COL4A2: variants seen among roughly 807,000 people sequenced by gnomAD.
The protein encoded by COL4A2 is collagen alpha-2(IV) chain.
A neutral mutation model predicts 200.2 loss-of-function variants in COL4A2; 99 were observed. That is an observed-to-expected ratio of 0.49 (90% CI 0.42 to 0.58). COL4A2 has a LOEUF of 0.58. COL4A2 is among the 20% of genes least tolerant of loss of function. The probability of loss-of-function intolerance (pLI) is 0.00; values close to 1 mark genes in which losing one functional copy is unlikely to be tolerated. For synonymous variants in COL4A2, 897 were observed against 900.6 expected (o/e 1.00, Z 0.07); for missense variants, 1,950 against 2,314.1 (o/e 0.84, Z 3.23).
chr13:110,369,882 A>G (rs1213983855), intron 4 of COL4A2, among the ~76,000 whole-genome samples: 2 of 152,178 alleles, frequency 1.3e-5, no homozygotes, highest in Non-Finnish European at 2.9e-5. Context: ...GCAGCACAGC[A>G]TAGGGAAGAA....
intron 3 of COL4A2, among the ~76,000 whole-genome samples, chr13:110,342,201 CT>C (rs1280422411): frequency 6.6e-6 from 1 of 152,210 alleles, no homozygotes; most frequent in Non-Finnish European, 1.5e-5. Context: ...AAGAATTTGA[CT>C]TATTAGAGAT....
rs149566407 is a variant in COL4A2 at position 110,335,219 on chromosome 13, G to A, written c.100-22253G>A. ...CTGCAACCGTGTCTCCAACACAGGC[G>A]ACTCCTGAGTTCTCTTTGTAATGCT... On this transcript the variant is annotated intron_variant, in intron 3 of 47. Coordinates refer to ENST00000360467, the MANE Select transcript of COL4A2 (RefSeq NM_001846.4). Among the ~76,000 whole-genome samples the A allele has an allele frequency of 7.2e-3, 1,098 of 152,214 alleles. 7 individuals are homozygous for A. The highest frequency in any genetic ancestry group is 9.9e-3 in the Non-Finnish European group (674 of 68,000).
At chr13:110,345,331 C>A (rs1308575090) in intron 3 of COL4A2, among the ~76,000 whole-genome samples, 1 of 152,184 alleles carries the variant, frequency 6.6e-6, no homozygotes, top group African/African-American at 2.4e-5. Context: ...ATTAAGCATT[C>A]CGCTGTAGTT....
chr13:110,507,942 G>A lies in COL4A2; in HGVS notation c.4602G>A (p.Ala1534=), dbSNP rs549661094. 56 of 1,613,300 alleles carry A rather than the reference G, an allele frequency of 3.5e-5. No individual in the cohort carries two copies. The highest frequency in any genetic ancestry group is 1.3e-4 in the South Asian group (12 of 91,072). Residue 1534 remains alanine, a synonymous_variant, in exon 47 of 48, where the codon GCG becomes GCA. Coordinates refer to ENST00000360467, the MANE Select transcript of COL4A2 (RefSeq NM_001846.4). ...TGACCCCTCCTTCCACAGGGCTGGC[G>A]GGCTCCTGCCTGGCGCGGTTCAGCA... is the stretch of plus-strand genomic sequence containing the variant. ...EKAHNQDLGL[A]GSCLARFSTM... is the part of the protein sequence containing the mutation.
intron 24 of COL4A2, 104 bp downstream of exon 24, chr13:110,462,488 C>G (rs551461632): frequency 2.9e-4 from 311 of 1,083,448 alleles, no homozygotes; most frequent in Non-Finnish European, 3.9e-4. Context: ...CTAAACCAAC[C>G]TGTGCATAGG....
intron 4 of COL4A2, among the ~76,000 whole-genome samples, chr13:110,388,587 C>A (rs138281616): frequency 1.3e-5 from 2 of 152,260 alleles, no homozygotes; most frequent in Middle Eastern, 3.4e-3. Context: ...GCAATACTTG[C>A]GACTTTAAAT....
At chr13:110,503,312 G>C in intron 42 of COL4A2, 30 bp downstream of exon 42, 1 of 1,593,070 alleles carries the variant, frequency 6.3e-7, no homozygotes, top group East Asian at 2.2e-5. Context: ...TGGGCCAGCA[G>C]CCCTGGCCAC....
chr13:110,453,179 A>G (rs994866914), intron 20 of COL4A2, among the ~76,000 whole-genome samples: 1 of 152,234 alleles, frequency 6.6e-6, no homozygotes, highest in African/African-American at 2.4e-5. Flanking sequence ...GCAGAACATG[A>G]CATGTTAAAA....
rs950372377 is a variant in COL4A2, at chr13:110,469,303, G to A, written c.2182G>A (p.Glu728Lys). 1 of 1,592,540 alleles carries A rather than the reference G, an allele frequency of 6.3e-7. No individual in the cohort carries two copies. The highest frequency in any genetic ancestry group is 1.1e-5 in the South Asian group (1 of 87,250). ...GGGCTTGCCAGGAGACGCAGGTCGT[G>A]AAGGGTTCCCAGGACCCCCAGGTGA... ...PRGLPGDAGR[E>K]GFPGPPGFIG... is the part of the protein sequence containing the mutation. Residue 728 changes from glutamate to lysine, a missense_variant, in exon 28 of 48, where the codon GAA (glutamate) becomes AAA (lysine). Physicochemically the swap from Glu to Lys is moderately conservative, Grantham distance 56. Around this residue, in one of 2 missense-constraint regions of COL4A2, gnomAD observed 1,385 missense variants for 1,720.5 expected, o/e 0.80. Coordinates refer to ENST00000360467, the MANE Select transcript of COL4A2 (RefSeq NM_001846.4).
rs1240135768 is a variant in COL4A2, at chr13:110,512,300, C to T, written c.*109C>T. 4 of 1,424,754 alleles carry T rather than the reference C, an allele frequency of 2.8e-6. No homozygotes were observed. The highest frequency in any genetic ancestry group is 3.7e-6 in the Non-Finnish European group (4 of 1,087,490). The allele number at this position is 1,424,754 out of a possible 1,614,324, so 88.3% of individuals were successfully genotyped here. ...TTTTCTTAAAAAAAAAAAAGTCTACCAAAGGAATTTGCATCCAGCAGCAGC... is the reference window on the plus strand; with the variant it reads ...TTTTCTTAAAAAAAAAAAAGTCTACTAAAGGAATTTGCATCCAGCAGCAGC... On this transcript the variant is annotated 3_prime_UTR_variant, in exon 48 of 48. Coordinates refer to ENST00000360467, the MANE Select transcript of COL4A2 (RefSeq NM_001846.4).
intron 3 of COL4A2, among the ~76,000 whole-genome samples, chr13:110,336,771 C>A (rs1240502211): frequency 6.6e-6 from 1 of 152,152 alleles, no homozygotes; most frequent in Non-Finnish European, 1.5e-5. Context: ...GACCCCAGGG[C>A]CTTATTCCTG....
chr13:110,416,069 G>T (rs1032056015), intron 4 of COL4A2, among the ~76,000 whole-genome samples: 1 of 152,192 alleles, frequency 6.6e-6, no homozygotes, highest in Non-Finnish European at 1.5e-5. Context: ...GTGTGATCCT[G>T]GTAGCTCAGT....
At chr13:110,423,845 C>T (rs1880353851) in intron 4 of COL4A2, among the ~76,000 whole-genome samples, 1 of 152,182 alleles carries the variant, frequency 6.6e-6, no homozygotes, top group South Asian at 2.1e-4. Flanking sequence ...TGGCTCATTT[C>T]ACTCAGCACA....
Position 110,466,100 on chromosome 13 carries a change from G to C in COL4A2, c.2038+38G>C, listed in dbSNP as rs1246958420. On this transcript the variant is annotated intron_variant, in intron 26 of 47. Coordinates refer to ENST00000360467, the MANE Select transcript of COL4A2 (RefSeq NM_001846.4). ...GTGCAGGTGGCTTTAGGACACTAGA[G>C]AACTCTCATTTGGTCTGCTGGTTAA... The C allele has an allele frequency of 2.5e-6, 4 of 1,597,464 alleles. No homozygotes were observed. The African/African-American group carries it at 4.0e-5, about 16-fold the overall frequency.
chr13:110,505,376 G>A (rs563310014), intron 45 of COL4A2, among the ~76,000 whole-genome samples: 4 of 152,226 alleles, frequency 2.6e-5, no homozygotes, highest in African/African-American at 9.6e-5. Flanking sequence ...ATTAAACATG[G>A]GTAGTACTAT....
At chr13:110,347,189 C>G (rs564981290) in intron 3 of COL4A2, among the ~76,000 whole-genome samples, 2 of 152,212 alleles carry the variant, frequency 1.3e-5, no homozygotes, top group African/African-American at 4.8e-5. Context: ...CCAGGCCCAC[C>G]CATGCTCTGA....
At chr13:110,444,531 C>G (rs534564946) in intron 16 of COL4A2, among the ~76,000 whole-genome samples, 5 of 152,324 alleles carry the variant, frequency 3.3e-5, no homozygotes, top group African/African-American at 7.2e-5. Context: ...AAGTCCGGGT[C>G]CAAACCACAG....
intron 27 of COL4A2, among the ~76,000 whole-genome samples, chr13:110,468,618 C>T (rs187130763): frequency 6.6e-6 from 1 of 152,308 alleles, no homozygotes; most frequent in African/African-American, 2.4e-5. Context: ...CTCCTGCTGT[C>T]CGCACTCCAC....
chr13:110,442,802 G>A (rs1393997191), intron 16 of COL4A2, among the ~76,000 whole-genome samples: 1 of 152,218 alleles, frequency 6.6e-6, no homozygotes, highest in Non-Finnish European at 1.5e-5. Context: ...GCTGTCCACA[G>A]TGTTATTTTA....
Sources: gnomAD v4.1 joint callset for allele counts (sites outside exome capture counted in the v4.1 genomes callset) on GRCh38, gnomAD v4.1.1 for gene constraint, gnomAD v4.1.1 regional missense constraint, MANE v1.5 for transcripts, NCBI Gene and HGNC (gene_info 2026-07-23, HGNC 2026-07-21) for gene names.